Variants in SUGCT observed in about 807,000 individuals in gnomAD.
SUGCT encodes succinyl-CoA:glutarate CoA-transferase.
Under a neutral mutation model 55.0 loss-of-function variants are expected in SUGCT, and 41 were observed. The observed-to-expected ratio is 0.74, with a 90% confidence interval of 0.58 to 0.97. The LOEUF (loss-of-function observed/expected upper bound fraction) is 0.97, where lower values mean the gene tolerates loss of function less well. SUGCT is among the 50% of genes least tolerant of loss of function. The probability of loss-of-function intolerance (pLI) is 0.00; values close to 1 mark genes in which losing one functional copy is unlikely to be tolerated. For synonymous variants in SUGCT, 187 were observed against 200.4 expected (o/e 0.93, Z 0.56); for missense variants, 568 against 547.8 (o/e 1.04, Z -0.37).
At chr7:40,728,188 C>T (rs1376428620) in intron 12 of SUGCT, among the ~76,000 whole-genome samples, 1 of 152,122 alleles carries the variant, frequency 6.6e-6, no homozygotes, top group African/African-American at 2.4e-5. Flanking sequence ...AATTATATGT[C>T]TCCTTTCACC....
chr7:40,651,041 G>A (rs1800751247), intron 12 of SUGCT, among the ~76,000 whole-genome samples: 1 of 152,138 alleles, frequency 6.6e-6, no homozygotes, highest in African/African-American at 2.4e-5. Context: ...CCCTGCAAAA[G>A]GACATGATCT....
At chr7:40,639,066 G>A (rs1043221676) in intron 12 of SUGCT, among the ~76,000 whole-genome samples, 1 of 152,228 alleles carries the variant, frequency 6.6e-6, no homozygotes, top group Non-Finnish European at 1.5e-5. Context: ...AGAGGATGAA[G>A]TTGATTACTC....
At chr7:40,929,692 T>C in the SUGCT span, among the ~76,000 whole-genome samples, 1 of 152,232 alleles carries the variant, frequency 6.6e-6, no homozygotes, top group Admixed American at 6.5e-5. Flanking sequence ...CATTTTTTCA[T>C]GTGTCTCTTG....
the SUGCT span, among the ~76,000 whole-genome samples, chr7:41,008,525 G>A: frequency 1.3e-5 from 2 of 152,176 alleles, no homozygotes; most frequent in Admixed American, 1.3e-4. Context: ...GTCCCTCCAA[G>A]TCAACACTCA....
chr7:40,330,237 G>A (rs756203536), intron 9 of SUGCT, among the ~76,000 whole-genome samples: 2 of 152,298 alleles, frequency 1.3e-5, no homozygotes, highest in African/African-American at 2.4e-5. Flanking sequence ...GTGTCTCAAG[G>A]GAAGTTTTAT....
At chr7:40,424,728 A>C (rs1322240907) in intron 9 of SUGCT, among the ~76,000 whole-genome samples, 1 of 152,182 alleles carries the variant, frequency 6.6e-6, no homozygotes, top group Non-Finnish European at 1.5e-5. Context: ...GCAAAATGGC[A>C]GAGCAGAGTT....
intron 13 of SUGCT, among the ~76,000 whole-genome samples, chr7:40,816,759 G>T (rs906863287): frequency 1.3e-5 from 2 of 152,136 alleles, no homozygotes; most frequent in Non-Finnish European, 2.9e-5. Flanking sequence ...GGTTACTAAG[G>T]TTATTCTTTA....
At chr7:40,614,908 T>C (rs931400281) in intron 12 of SUGCT, among the ~76,000 whole-genome samples, 1 of 151,832 alleles carries the variant, frequency 6.6e-6, no homozygotes, top group Non-Finnish European at 1.5e-5. Context: ...ATACAAAAAA[T>C]AGCCGGGCAT....
chr7:40,462,409 C>A (rs1431122784), intron 11 of SUGCT, among the ~76,000 whole-genome samples: 2 of 151,980 alleles, frequency 1.3e-5, no homozygotes, highest in African/African-American at 4.8e-5. Context: ...TCATGAAAGC[C>A]TTTATGACAA....
At chr7:40,299,602 G>A (rs1241633317) in intron 8 of SUGCT, among the ~76,000 whole-genome samples, 3 of 151,596 alleles carry the variant, frequency 2.0e-5, no homozygotes, top group Non-Finnish European at 4.4e-5. Context: ...GAAGAAAACT[G>A]ATTTTTTTAT....
At chr7:41,035,906 A>G in the SUGCT span, among the ~76,000 whole-genome samples, 2 of 152,142 alleles carry the variant, frequency 1.3e-5, no homozygotes, top group African/African-American at 4.8e-5. Flanking sequence ...TCATAGGACC[A>G]GGATCAGGCT....
chr7:40,715,085 G>T (rs1037771535), intron 12 of SUGCT, among the ~76,000 whole-genome samples: 12 of 151,928 alleles, frequency 7.9e-5, no homozygotes, highest in African/African-American at 2.9e-4. Context: ...AAATTGTAAG[G>T]GTGTGACTTG....
chr7:40,248,531 C>G (rs1045756025), intron 7 of SUGCT, among the ~76,000 whole-genome samples: 3 of 152,076 alleles, frequency 2.0e-5, no homozygotes, highest in Non-Finnish European at 2.9e-5. Flanking sequence ...AACATCCTAG[C>G]ACCTATGTAA....
At chr7:40,606,800 A>G (rs1798555259) in intron 12 of SUGCT, among the ~76,000 whole-genome samples, 1 of 152,194 alleles carries the variant, frequency 6.6e-6, no homozygotes, top group African/African-American at 2.4e-5. Context: ...TAAACTCTAG[A>G]TGAACTTGAT....
intron 13 of SUGCT, among the ~76,000 whole-genome samples, chr7:40,815,223 T>C (rs1357599839): frequency 1.3e-5 from 2 of 152,202 alleles, no homozygotes; most frequent in Non-Finnish European, 2.9e-5. Context: ...CAGGTCCTCC[T>C]CCAGGGGCCC....
chr7:40,555,016 A>C (rs570732862), intron 12 of SUGCT, among the ~76,000 whole-genome samples: 59 of 152,300 alleles, frequency 3.9e-4, no homozygotes, highest in African/African-American at 1.4e-3. Context: ...ACTATACTTT[A>C]ATATATTAAT....
At chr7:40,230,687 G>C (rs1299408597) in intron 6 of SUGCT, among the ~76,000 whole-genome samples, 1 of 152,188 alleles carries the variant, frequency 6.6e-6, no homozygotes, top group African/African-American at 2.4e-5. Flanking sequence ...GAGCAGTCTG[G>C]GTTGGTGGCA....
At chr7:40,358,787 C>T (rs934136014) in intron 9 of SUGCT, among the ~76,000 whole-genome samples, 2 of 152,054 alleles carry the variant, frequency 1.3e-5, no homozygotes, top group South Asian at 2.1e-4. Flanking sequence ...GAATTTTCGA[C>T]AAAGAAAGAA....
chr7:40,573,180 T>C (rs1584019968), intron 12 of SUGCT, among the ~76,000 whole-genome samples: 1 of 152,324 alleles, frequency 6.6e-6, no homozygotes, highest in Middle Eastern at 3.4e-3. Flanking sequence ...GGCCCCTGGC[T>C]TTGACAGGAT....
Sources: gnomAD v4.1 joint callset for allele counts (sites outside exome capture counted in the v4.1 genomes callset) on GRCh38, gnomAD v4.1.1 for gene constraint, MANE v1.5 for transcripts, NCBI Gene and HGNC (gene_info 2026-07-23, HGNC 2026-07-21) for gene names.